The following CHD9 variants were observed in gnomAD, a reference collection of about 807,000 sequenced individuals.
The protein encoded by CHD9 is ATP-dependent chromatin remodeler CHD9.
Under a neutral mutation model 316.1 loss-of-function variants are expected in CHD9, and 77 were observed. The observed-to-expected ratio is 0.24, with a 90% CI of 0.20 to 0.29. CHD9 has a LOEUF of 0.29. Among genes scored for constraint, CHD9 ranks in the 10% least tolerant of loss-of-function variants. The pLI, the probability that CHD9 is intolerant of heterozygous loss-of-function variation, is 1.00. For synonymous variants in CHD9, 1,129 were observed against 1,158.3 expected (o/e 0.97, Z 0.51); for missense variants, 2,763 against 3,438.1 (o/e 0.80, Z 4.91).
intron 2 of CHD9, among the ~76,000 whole-genome samples, chr16:53,168,213 C>T (rs1197899600): frequency 2.0e-5 from 3 of 152,156 alleles, no homozygotes; most frequent in African/African-American, 7.2e-5. Flanking sequence ...AGGCGCCTGC[C>T]ATCATGCCCA....
chr16:53,255,535 G>T, intron 18 of CHD9, 65 bp from the exon 19 acceptor site: 1 of 1,439,442 alleles, frequency 6.9e-7, no homozygotes, highest in Non-Finnish European at 9.6e-7. Flanking sequence ...ACATCCTTTA[G>T]GGATACTTTC....
chr16:53,317,122 G>A (rs1256494479), intron 36 of CHD9, among the ~76,000 whole-genome samples: 1 of 147,758 alleles, frequency 6.8e-6, no homozygotes. Context: ...CTTGAACCCG[G>A]GAGGCAGAGG....
intron 1 of CHD9, among the ~76,000 whole-genome samples, chr16:53,117,405 G>GT (rs1567341118): frequency 9.5e-6 from 1 of 105,460 alleles, no homozygotes; most frequent in Non-Finnish European, 2.2e-5. Flanking sequence ...GTTCTCTGAC[G>GT]TAATATATAT....
At chr16:53,058,688 A>G (rs2032474925) in intron 1 of CHD9, among the ~76,000 whole-genome samples, 1 of 152,156 alleles carries the variant, frequency 6.6e-6, no homozygotes, top group African/African-American at 2.4e-5. Flanking sequence ...CAGGTTGGAC[A>G]GGATCATTTC....
At chr16:53,134,307 C>G (rs2039557565) in intron 1 of CHD9, among the ~76,000 whole-genome samples, 1 of 152,172 alleles carries the variant, frequency 6.6e-6, no homozygotes, top group South Asian at 2.1e-4. Flanking sequence ...TTTAACCTTT[C>G]AAATTCTTTG....
intron 38 of CHD9, 85 bp downstream of exon 38, chr16:53,321,715 A>T: frequency 2.6e-6 from 2 of 763,460 alleles, no homozygotes; most frequent in Non-Finnish European, 1.9e-6. Flanking sequence ...ATAATTAATA[A>T]AATATTCCAT....
At chr16:53,219,113 G>A (rs947603152) in intron 3 of CHD9, among the ~76,000 whole-genome samples, 1 of 152,120 alleles carries the variant, frequency 6.6e-6, no homozygotes, top group African/African-American at 2.4e-5. Context: ...GATATTTTCT[G>A]TTTGAGAAAA....
chr16:53,141,116 T>C (rs1431018200), intron 1 of CHD9, among the ~76,000 whole-genome samples: 1 of 152,228 alleles, frequency 6.6e-6, no homozygotes, highest in Non-Finnish European at 1.5e-5. Flanking sequence ...AAGCAAAATA[T>C]TTCATGAAAC....
intron 3 of CHD9, among the ~76,000 whole-genome samples, chr16:53,220,725 T>C (rs2047166546): frequency 6.6e-6 from 1 of 152,208 alleles, no homozygotes; most frequent in Non-Finnish European, 1.5e-5. Flanking sequence ...ATGTGAACTC[T>C]TTGTGTGTCA....
intron 24 of CHD9, among the ~76,000 whole-genome samples, chr16:53,279,299 G>T (rs866463474): frequency 6.6e-6 from 1 of 150,810 alleles, no homozygotes. Context: ...TCATAGGTAG[G>T]AATTGAACAA....
At position 53,222,768 on chromosome 16, in the gene CHD9, A is replaced by T; in HGVS notation, c.1896+13A>T. The T allele has an allele frequency of 7.9e-7, 1 of 1,269,592 alleles. No individual in the cohort carries two copies. Among genetic ancestry groups the T allele is most frequent in the South Asian group, 1.3e-5 (1 of 74,628 alleles). 78.6% of individuals were successfully genotyped at this position (1,269,592 alleles called of 1,614,324 possible). ...TCAAGACTCTCAAGTGAGTATTACA[A>T]TTTTTTCTAGAAATGAAACACTGTT... On this transcript the variant is annotated intron_variant, in intron 4 of 38. Coordinates refer to ENST00000447540, the MANE Select transcript of CHD9 (RefSeq NM_001308319.2).
intron 1 of CHD9, among the ~76,000 whole-genome samples, chr16:53,151,167 CTTTCTTTTTCTT>C (rs1254669823): frequency 1.7e-4 from 25 of 150,792 alleles, no homozygotes; most frequent in Non-Finnish European, 3.1e-4. Context: ...CTTCATTTTT[CTTTCTTTTTCTT>C]TTTCTTTTTC....
intron 2 of CHD9, among the ~76,000 whole-genome samples, chr16:53,188,574 A>AT (rs1317846442): frequency 1.5e-5 from 1 of 67,158 alleles, no homozygotes; most frequent in Admixed American, 1.5e-4. Context: ...GATACTGAGC[A>AT]TTTTTTCATG....
At chr16:53,286,396 A>G in intron 26 of CHD9, 53 bp downstream of exon 26, 1 of 921,256 alleles carries the variant, frequency 1.1e-6, no homozygotes, top group South Asian at 1.4e-5. Flanking sequence ...TCTATTCAAT[A>G]TCAGCATATT....
intron 19 of CHD9, among the ~76,000 whole-genome samples, chr16:53,257,026 AT>A (rs1166214164): frequency 3.3e-5 from 5 of 152,216 alleles, no homozygotes; most frequent in African/African-American, 7.2e-5. Context: ...CTGAAAAAAA[AT>A]AAAGTAGGAG....
At chr16:53,073,708 T>C (rs2034290136) in intron 1 of CHD9, among the ~76,000 whole-genome samples, 1 of 152,220 alleles carries the variant, frequency 6.6e-6, no homozygotes, top group Non-Finnish European at 1.5e-5. Flanking sequence ...GGGTTTTTGC[T>C]TTTGCATCTT....
chr16:53,105,492 A>G (rs1331142106), intron 1 of CHD9, among the ~76,000 whole-genome samples: 1 of 152,080 alleles, frequency 6.6e-6, no homozygotes, highest in Non-Finnish European at 1.5e-5. Flanking sequence ...ACTGTATTCC[A>G]TTGTACGGGT....
chr16:53,235,219 A>T lies in CHD9; in HGVS notation c.2546A>T (p.Asp849Val). 1 of 1,553,402 alleles carries T rather than the reference A, an allele frequency of 6.4e-7. No homozygotes were observed. The highest frequency in any genetic ancestry group is 8.7e-7 in the Non-Finnish European group (1 of 1,146,236). Residue 849 changes from aspartate (D) to valine (V), a missense_variant, in exon 11 of 39, where the codon GAT becomes GTT. Asp to Val is a radical substitution (Grantham distance 152, BLOSUM62 -3). Transcript: ENST00000447540. ...RPPSNIWKKI[D>V]QSRDYKNGNQ... ...CCTTCTAATATTTGGAAGAAAATAGATCAATCCAGGGACTATAAAAATGGC... is the reference window on the plus strand; with the variant it reads ...CCTTCTAATATTTGGAAGAAAATAGTTCAATCCAGGGACTATAAAAATGGC...
At chr16:53,219,125 T>G (rs1331057679) in intron 3 of CHD9, among the ~76,000 whole-genome samples, 1 of 152,148 alleles carries the variant, frequency 6.6e-6, no homozygotes, top group African/African-American at 2.4e-5. Context: ...TTGAGAAAAT[T>G]GAGCAGTACT....
Sources: allele counts gnomAD v4.1 joint callset (sites outside exome capture counted in the v4.1 genomes callset), GRCh38; gene constraint gnomAD v4.1.1; transcripts MANE v1.5; gene names NCBI Gene and HGNC (gene_info 2026-07-23, HGNC 2026-07-21).